Variants in LRRC1 observed in about 807,000 individuals in gnomAD.
LRRC1 encodes leucine rich repeat containing 1, also known as leucine-rich repeat-containing protein 1.
A neutral mutation model predicts 69.9 loss-of-function variants in LRRC1; 28 were observed. The ratio of observed to expected loss-of-function variants is 0.40; its 90% CI spans 0.30 to 0.55. The LOEUF is 0.55. Ranked by LOEUF, LRRC1 falls within the 20% of genes least tolerant of loss-of-function variation. The pLI, the probability that LRRC1 is intolerant of heterozygous loss-of-function variation, is 0.47. For synonymous variants in LRRC1, 236 were observed against 240.2 expected, an observed-to-expected ratio of 0.98 and a Z score of 0.16; for missense variants, 498 against 609.0, an observed-to-expected ratio of 0.82 and a Z score of 1.92.
At chr6:53,865,003 C>T (rs1766651476) in intron 2 of LRRC1, among the ~76,000 whole-genome samples, 1 of 152,136 alleles carries the variant, frequency 6.6e-6, no homozygotes, top group Non-Finnish European at 1.5e-5. Context: ...ATTGCGTGTG[C>T]ACTCTTGATA....
At chr6:53,811,777 G>C (rs1581845892) in intron 1 of LRRC1, among the ~76,000 whole-genome samples, 1 of 152,228 alleles carries the variant, frequency 6.6e-6, no homozygotes, top group Non-Finnish European at 1.5e-5. Context: ...AGCCTGGGCT[G>C]GGGTTAAGTC....
chr6:53,818,508 A>G (rs1295509362), intron 1 of LRRC1, among the ~76,000 whole-genome samples: 4 of 152,252 alleles, frequency 2.6e-5, no homozygotes, highest in African/African-American at 9.6e-5. Flanking sequence ...TTACAGAATT[A>G]AATAAAGTTT....
intron 1 of LRRC1, among the ~76,000 whole-genome samples, chr6:53,838,204 C>T (rs1765664891): frequency 6.6e-6 from 1 of 152,084 alleles, no homozygotes; most frequent in Non-Finnish European, 1.5e-5. Flanking sequence ...ATTAAGATCA[C>T]ATCAGGATAA....
intron 1 of LRRC1, among the ~76,000 whole-genome samples, chr6:53,838,389 T>C (rs1221557561): frequency 6.6e-6 from 1 of 152,200 alleles, no homozygotes; most frequent in Non-Finnish European, 1.5e-5. Context: ...TTATGACTTC[T>C]ATTGGATGTG....
intron 1 of LRRC1, among the ~76,000 whole-genome samples, chr6:53,826,151 G>C (rs903506532): frequency 1.3e-5 from 2 of 149,538 alleles, no homozygotes; most frequent in African/African-American, 4.9e-5. Context: ...CTGCCTACGT[G>C]TGGGCTTGCT....
At chr6:53,796,872 G>A (rs1329388083) in intron 1 of LRRC1, among the ~76,000 whole-genome samples, 8 of 152,156 alleles carry the variant, frequency 5.3e-5, no homozygotes, top group South Asian at 4.1e-4. Flanking sequence ...CTTACCAGTC[G>A]TCAGCTCCCT....
intron 1 of LRRC1, among the ~76,000 whole-genome samples, chr6:53,826,771 A>G (rs543562446): frequency 6.6e-6 from 1 of 152,090 alleles, no homozygotes; most frequent in East Asian, 1.9e-4. Context: ...GATGTACTGT[A>G]TATCTGTATA....
intron 2 of LRRC1, among the ~76,000 whole-genome samples, chr6:53,856,134 A>T (rs1219044758): frequency 1.3e-5 from 2 of 152,276 alleles, no homozygotes; most frequent in Admixed American, 6.5e-5. Context: ...ATATTTCATT[A>T]TGAATAGCAC....
chr6:53,829,746 C>T (rs1163972539), intron 1 of LRRC1, among the ~76,000 whole-genome samples: 1 of 152,128 alleles, frequency 6.6e-6, no homozygotes, highest in Non-Finnish European at 1.5e-5. Flanking sequence ...ACTGAGCTAC[C>T]TCAGAAAATT....
At chr6:53,828,536 C>G (rs1420353541) in intron 1 of LRRC1, among the ~76,000 whole-genome samples, 1 of 152,268 alleles carries the variant, frequency 6.6e-6, no homozygotes, top group Non-Finnish European at 1.5e-5. Flanking sequence ...TCAGTGTTGA[C>G]TGACTTTGCA....
chr6:53,902,608 A>G (rs753042077), intron 8 of LRRC1, 21 bp from the exon 9 acceptor site: 4 of 1,375,076 alleles, frequency 2.9e-6, no homozygotes, highest in South Asian at 2.7e-5. Context: ...TTTGATAATA[A>G]TAATCATAAT....
intron 2 of LRRC1, among the ~76,000 whole-genome samples, chr6:53,872,301 G>A (rs1283356182): frequency 1.3e-5 from 2 of 152,052 alleles, no homozygotes; most frequent in Non-Finnish European, 2.9e-5. Context: ...GGGAACAGGT[G>A]GTATTTGGTT....
intron 13 of LRRC1, among the ~76,000 whole-genome samples, chr6:53,921,569 C>A (rs1020632974): frequency 6.6e-6 from 1 of 152,192 alleles, no homozygotes; most frequent in African/African-American, 2.4e-5. Context: ...CCATTACTTT[C>A]ATCTGTACTT....
chr6:53,911,758 A>G (rs1768417713), intron 10 of LRRC1, among the ~76,000 whole-genome samples: 1 of 152,166 alleles, frequency 6.6e-6, no homozygotes, highest in African/African-American at 2.4e-5. Flanking sequence ...CTTTCTCATG[A>G]GTAGATCTTT....
intron 1 of LRRC1, among the ~76,000 whole-genome samples, chr6:53,831,126 GT>G (rs1167231853): frequency 6.6e-6 from 1 of 151,808 alleles, no homozygotes; most frequent in Non-Finnish European, 1.5e-5. Context: ...GTTAGAAGAT[GT>G]TTTGAGGCAA....
intron 2 of LRRC1, among the ~76,000 whole-genome samples, chr6:53,869,062 G>C (rs1214940179): frequency 3.9e-5 from 6 of 152,192 alleles, no homozygotes; most frequent in Admixed American, 3.9e-4. Context: ...TTACCCAGGG[G>C]CGCAAACCTA....
intron 1 of LRRC1, among the ~76,000 whole-genome samples, chr6:53,829,129 C>T (rs544121476): frequency 3.0e-4 from 45 of 152,322 alleles, no homozygotes; most frequent in African/African-American, 1.1e-3. Context: ...CTCCACAGTG[C>T]ACCTTCTTTG....
intron 3 of LRRC1, among the ~76,000 whole-genome samples, chr6:53,880,482 C>T (rs1006389452): frequency 6.6e-6 from 1 of 152,106 alleles, no homozygotes; most frequent in Non-Finnish European, 1.5e-5. Context: ...TATGTCTCTC[C>T]ATCTTCATTG....
intron 2 of LRRC1, among the ~76,000 whole-genome samples, chr6:53,872,449 A>G (rs1766918759): frequency 1.3e-5 from 2 of 152,128 alleles, no homozygotes; most frequent in Admixed American, 1.3e-4. Context: ...ATCAGTTTCT[A>G]TGCTAGTACC....
Sources: allele counts gnomAD v4.1 joint callset (sites outside exome capture counted in the v4.1 genomes callset), GRCh38; gene constraint gnomAD v4.1.1; transcripts MANE v1.5; gene names NCBI Gene and HGNC (gene_info 2026-07-23, HGNC 2026-07-21).